GPATCH2: variants seen among roughly 807,000 people sequenced by gnomAD.
GPATCH2 encodes G patch domain-containing protein 2.
GPATCH2 carries 51 observed loss-of-function variants against 58.0 expected under a neutral mutation model. The ratio of observed to expected loss-of-function variants is 0.88; its 90% CI spans 0.70 to 1.11. GPATCH2 has a LOEUF of 1.11. Ranked by LOEUF, GPATCH2 falls within the 50% of genes most tolerant of loss-of-function variation. The probability of loss-of-function intolerance (pLI) is 0.00; values close to 1 mark genes in which losing one functional copy is unlikely to be tolerated. For synonymous variants in GPATCH2, 222 were observed against 218.5 expected, an observed-to-expected ratio of 1.02 and a Z score of -0.14; for missense variants, 625 against 652.2, an observed-to-expected ratio of 0.96 and a Z score of 0.45.
chr1:217,601,582 C>T (rs12072250), intron 5 of GPATCH2, among the ~76,000 whole-genome samples: 7,874 of 152,116 alleles, frequency 0.052, 660 homozygotes, highest in African/African-American at 0.18. Flanking sequence ...ATCCCACCAA[C>T]TTCTTGAATG....
intron 5 of GPATCH2, among the ~76,000 whole-genome samples, chr1:217,596,930 A>T (rs1667859812): frequency 6.6e-6 from 1 of 152,192 alleles, no homozygotes. Context: ...CACATTGATC[A>T]TATATTTATT....
At chr1:217,595,532 T>G (rs570319577) in intron 5 of GPATCH2, among the ~76,000 whole-genome samples, 17 of 151,910 alleles carry the variant, frequency 1.1e-4, no homozygotes, top group African/African-American at 3.9e-4. Context: ...GGAGTCTCAC[T>G]TTTGTTGCCC....
At chr1:217,586,075 T>A (rs1421513593) in intron 5 of GPATCH2, among the ~76,000 whole-genome samples, 3 of 152,144 alleles carry the variant, frequency 2.0e-5, no homozygotes, top group Admixed American at 1.3e-4. Flanking sequence ...TCTGGGTTAG[T>A]GAGTGAGGGA....
intron 5 of GPATCH2, among the ~76,000 whole-genome samples, chr1:217,518,375 A>G (rs1663280878): frequency 6.6e-6 from 1 of 152,196 alleles, no homozygotes; most frequent in Non-Finnish European, 1.5e-5. Context: ...ATCAATGACA[A>G]AATGTCTGTT....
At chr1:217,544,212 T>C (rs1284473140) in intron 5 of GPATCH2, among the ~76,000 whole-genome samples, 1 of 152,090 alleles carries the variant, frequency 6.6e-6, no homozygotes, top group Non-Finnish European at 1.5e-5. Flanking sequence ...CTGGCCAACA[T>C]GGCAAAACCT....
At position 217,630,907 on chromosome 1, in the gene GPATCH2, C is replaced by A. The variant is rs751560790; in HGVS notation, c.56+9G>T. ...CTGACCTCCCCCTCCCCAGGGCCGC[C>A]AGCCTCACCAGCTGTTCCCGGCTGC... On this transcript the variant is annotated intron_variant, in intron 1 of 9. Coordinates refer to ENST00000366935, the MANE Select transcript of GPATCH2 (RefSeq NM_018040.5). 11 of 1,584,334 alleles carry A rather than the reference C, an allele frequency of 6.9e-6. No individual in the cohort carries two copies. Among genetic ancestry groups the A allele is most frequent in the Non-Finnish European group, 9.4e-6 (11 of 1,170,084 alleles).
At chr1:217,547,072 T>C (rs1665090863) in intron 5 of GPATCH2, among the ~76,000 whole-genome samples, 1 of 152,014 alleles carries the variant, frequency 6.6e-6, no homozygotes, top group African/African-American at 2.4e-5. Context: ...AGAACAGCTA[T>C]AAGAAGTCAA....
At chr1:217,462,313 A>G (rs1209177589) in intron 8 of GPATCH2, among the ~76,000 whole-genome samples, 1 of 152,188 alleles carries the variant, frequency 6.6e-6, no homozygotes, top group East Asian at 1.9e-4. Flanking sequence ...AACTTCAGAA[A>G]TCAAATGCCA....
In GPATCH2 at chr1:217,484,027, A is replaced by G. The variant is rs528125515; in HGVS notation, c.1277+7653T>C. On this transcript the variant is annotated intron_variant, in intron 8 of 9. Transcript: ENST00000366935. ...TGGATTGTGTTCTGAAGTTTTATCA[A>G]AGCAATCTTTGCTGAAGCCAACATA... is the stretch of plus-strand genomic sequence containing the variant. Among the ~76,000 whole-genome samples the G allele has an allele frequency of 2.0e-5, 3 of 152,302 alleles. No individual in the cohort carries two copies. The South Asian group carries it at 6.2e-4, about 32-fold the overall frequency.
chr1:217,479,996 A>T (rs1661144444), intron 8 of GPATCH2, among the ~76,000 whole-genome samples: 1 of 152,138 alleles, frequency 6.6e-6, no homozygotes, highest in Admixed American at 6.6e-5. Context: ...ACACTGGAGG[A>T]CCCAGATATA....
intron 5 of GPATCH2, among the ~76,000 whole-genome samples, chr1:217,595,543 G>A (rs868633157): frequency 2.0e-5 from 3 of 150,094 alleles, no homozygotes; most frequent in Admixed American, 6.7e-5. Context: ...TTTGTTGCCC[G>A]GGCTGGAGTG....
At chr1:217,498,248 C>G in intron 7 of GPATCH2, 108 bp downstream of exon 7, 5 of 854,396 alleles carry the variant, frequency 5.9e-6, no homozygotes, top group Admixed American at 1.7e-5. Context: ...TTAAAATGAG[C>G]GGGGATTTGT....
intron 8 of GPATCH2, among the ~76,000 whole-genome samples, chr1:217,473,720 G>A (rs912407386): frequency 2.0e-5 from 3 of 151,690 alleles, no homozygotes; most frequent in African/African-American, 7.3e-5. Flanking sequence ...ATATAAGCAA[G>A]GTGGAAGAAC....
intron 5 of GPATCH2, among the ~76,000 whole-genome samples, chr1:217,583,570 CAAA>C (rs60392448): frequency 6.1e-5 from 4 of 65,230 alleles, no homozygotes; most frequent in Non-Finnish European, 1.1e-4. Context: ...GACTCTGTCT[CAAA>C]AAAAAAAAAA....
chr1:217,509,505 C>A (rs1209136287), intron 6 of GPATCH2, among the ~76,000 whole-genome samples: 2 of 152,130 alleles, frequency 1.3e-5, no homozygotes, highest in Non-Finnish European at 2.9e-5. Context: ...TGTCTTATAT[C>A]TTCTGCGAGC....
At chr1:217,488,949 G>T (rs1247035175) in intron 8 of GPATCH2, among the ~76,000 whole-genome samples, 2 of 151,884 alleles carry the variant, frequency 1.3e-5, no homozygotes, top group East Asian at 3.9e-4. Context: ...AAGTGCTGTG[G>T]CTTAACAGGT....
At chr1:217,587,094 C>T (rs1180387248) in intron 5 of GPATCH2, among the ~76,000 whole-genome samples, 2 of 152,072 alleles carry the variant, frequency 1.3e-5, no homozygotes, top group Non-Finnish European at 1.5e-5. Context: ...TTTTCTTACC[C>T]TAGGATCAAT....
chr1:217,538,892 A>G (rs1354009895), intron 5 of GPATCH2, among the ~76,000 whole-genome samples: 1 of 152,174 alleles, frequency 6.6e-6, no homozygotes, highest in Non-Finnish European at 1.5e-5. Flanking sequence ...TTAGGGATAG[A>G]TTCATGCTGA....
chr1:217,487,586 C>G (rs1438620312), intron 8 of GPATCH2, among the ~76,000 whole-genome samples: 1 of 151,876 alleles, frequency 6.6e-6, no homozygotes, highest in Non-Finnish European at 1.5e-5. Flanking sequence ...CCACCAAGCC[C>G]GGCTAATTTT....
Sources: allele counts gnomAD v4.1 joint callset (sites outside exome capture counted in the v4.1 genomes callset), GRCh38; gene constraint gnomAD v4.1.1; transcripts MANE v1.5; gene names NCBI Gene and HGNC (gene_info 2026-07-23, HGNC 2026-07-21).